The following JMJD1C variants were observed in gnomAD, a reference collection of about 807,000 sequenced individuals.
JMJD1C encodes jumonji domain-containing protein 1C.
Under a neutral mutation model 245.3 loss-of-function variants are expected in JMJD1C, and 31 were observed. That is an observed-to-expected ratio of 0.13 (90% CI 0.09 to 0.17). The LOEUF is 0.17. Among genes scored for constraint, JMJD1C ranks in the 10% least tolerant of loss-of-function variants. The pLI, the probability that JMJD1C is intolerant of heterozygous loss-of-function variation, is 1.00. For missense variants in JMJD1C, 2,691 were observed against 3,000.2 expected (o/e 0.90, Z 2.41); for synonymous variants, 1,057 against 1,017.4 (o/e 1.04, Z -0.74).
intron 1 of JMJD1C, among the ~76,000 whole-genome samples, chr10:63,407,945 A>G (rs1403241828): frequency 6.6e-6 from 1 of 152,152 alleles, no homozygotes; most frequent in African/African-American, 2.4e-5. Flanking sequence ...ATAGGAGACA[A>G]AGGGAAAAAC....
At chr10:63,474,326 A>G (rs1276393920) in intron 1 of JMJD1C, among the ~76,000 whole-genome samples, 1 of 152,246 alleles carries the variant, frequency 6.6e-6, no homozygotes, top group African/African-American at 2.4e-5. Flanking sequence ...GTGGGAGTGT[A>G]AGAGTGCTTA....
intron 1 of JMJD1C, chr10:63,427,461 C>A: frequency 1.7e-6 from 2 of 1,183,188 alleles, no homozygotes; most frequent in African/African-American, 1.5e-5. Context: ...CCCAGCAACT[C>A]CTGACCAAGA....
At chr10:63,459,253 G>C (rs1279751197) in intron 1 of JMJD1C, among the ~76,000 whole-genome samples, 1 of 152,122 alleles carries the variant, frequency 6.6e-6, no homozygotes, top group Non-Finnish European at 1.5e-5. Flanking sequence ...GCTTCCAAAT[G>C]AATCATTAAA....
intron 9 of JMJD1C, 27 bp downstream of exon 9, chr10:63,209,036 A>G (rs200891011): frequency 1.9e-6 from 3 of 1,555,244 alleles, no homozygotes; most frequent in Admixed American, 2.0e-5. Flanking sequence ...CAAGGTATTT[A>G]TAATTTTTAA....
intron 9 of JMJD1C, 38 bp from the exon 10 acceptor site, chr10:63,208,839 T>C: frequency 6.7e-7 from 1 of 1,491,542 alleles, no homozygotes; most frequent in South Asian, 1.3e-5. Flanking sequence ...GTAACCACTT[T>C]TTCCTGCAAA....
At chr10:63,285,984 A>G (rs1857943187) in intron 2 of JMJD1C, among the ~76,000 whole-genome samples, 1 of 152,156 alleles carries the variant, frequency 6.6e-6, no homozygotes, top group Non-Finnish European at 1.5e-5. Context: ...TCATTCAAGG[A>G]CCTGTTGTAA....
At position 63,198,671 on chromosome 10, in the gene JMJD1C, T is replaced by C; in HGVS notation, c.5333A>G (p.Gln1778Arg). The C allele has an allele frequency of 6.2e-7, 1 of 1,612,814 alleles. No individual in the cohort carries two copies. The highest frequency in any genetic ancestry group is 8.5e-7 in the Non-Finnish European group (1 of 1,179,342). ...CAAACTCATAGCTTCATCATCATAT[T>C]GGTCAGGAGAAGAGAAACCATCTAT... ...VRIDGFSSPD[Q>R]YDDEAMSLWT... Residue 1778 changes from glutamine (Q) to arginine (R), a missense_variant, in exon 12 of 26, where the codon CAA becomes CGA. Physicochemically the swap from Gln to Arg is conservative, Grantham distance 43. This residue lies in a region of JMJD1C where 139 missense variants were observed against 270.5 expected (regional missense o/e 0.51). Transcript: ENST00000399262.
intron 24 of JMJD1C, among the ~76,000 whole-genome samples, chr10:63,174,561 T>C (rs1408001473): frequency 6.6e-6 from 1 of 151,718 alleles, no homozygotes; most frequent in African/African-American, 2.4e-5. Flanking sequence ...ATGCCGAGCA[T>C]GGTGGCTCAT....
At chr10:63,361,837 A>C (rs528418976) in intron 2 of JMJD1C, among the ~76,000 whole-genome samples, 3 of 152,226 alleles carry the variant, frequency 2.0e-5, no homozygotes, top group Non-Finnish European at 2.9e-5. Context: ...ATTTAAATCT[A>C]CTTTTAAATG....
intron 2 of JMJD1C, among the ~76,000 whole-genome samples, chr10:63,334,006 T>C (rs564766043): frequency 1.1e-4 from 17 of 152,226 alleles, no homozygotes; most frequent in Admixed American, 6.5e-5. Flanking sequence ...GGTATACTGA[T>C]AAAAAGAAAG....
intron 1 of JMJD1C, among the ~76,000 whole-genome samples, chr10:63,472,082 T>G (rs921441085): frequency 6.6e-6 from 1 of 152,000 alleles, no homozygotes; most frequent in Non-Finnish European, 1.5e-5. Flanking sequence ...AAAACTAACT[T>G]GAAATGGAAG....
intron 3 of JMJD1C, among the ~76,000 whole-genome samples, chr10:63,248,411 C>T (rs563750777): frequency 6.6e-6 from 1 of 152,100 alleles, no homozygotes; most frequent in South Asian, 2.1e-4. Context: ...AACCCAGCTA[C>T]CCCGGAAGCC....
chr10:63,494,312 A>C (rs1270755593), intron 1 of JMJD1C, among the ~76,000 whole-genome samples: 1 of 143,216 alleles, frequency 7.0e-6, no homozygotes, highest in Non-Finnish European at 1.5e-5. Flanking sequence ...ACTCCGTCTC[A>C]AAAAAAAAAA....
At chr10:63,514,112 C>T (rs1313309212) in intron 1 of JMJD1C, among the ~76,000 whole-genome samples, 1 of 152,064 alleles carries the variant, frequency 6.6e-6, no homozygotes, top group East Asian at 1.9e-4. Context: ...GTGGCTATTA[C>T]TAAAAAGTCA....
chr10:63,378,519 G>A (rs989325803), intron 2 of JMJD1C, among the ~76,000 whole-genome samples: 1 of 152,102 alleles, frequency 6.6e-6, no homozygotes, highest in Non-Finnish European at 1.5e-5. Flanking sequence ...GTGAACCCGG[G>A]AGGCAGAGCT....
At chr10:63,190,872 C>T (rs1564575838) in intron 17 of JMJD1C, 22 bp downstream of exon 17, 2 of 1,607,728 alleles carry the variant, frequency 1.2e-6, no homozygotes, top group Admixed American at 1.7e-5. Flanking sequence ...CACATTAAAA[C>T]CAAAAATCTG....
intron 2 of JMJD1C, among the ~76,000 whole-genome samples, chr10:63,321,749 G>A (rs762923281): frequency 9.9e-5 from 15 of 152,170 alleles, no homozygotes; most frequent in Non-Finnish European, 2.1e-4. Flanking sequence ...TACTTTACAA[G>A]TGTACGCGAG....
At chr10:63,346,954 A>G (rs570193503) in intron 2 of JMJD1C, among the ~76,000 whole-genome samples, 5 of 152,204 alleles carry the variant, frequency 3.3e-5, no homozygotes, top group Non-Finnish European at 7.4e-5. Context: ...AGGTCCCCCT[A>G]CACCCCCGGC....
intron 1 of JMJD1C, among the ~76,000 whole-genome samples, chr10:63,457,802 A>T (rs1952509353): frequency 6.6e-6 from 1 of 152,192 alleles, no homozygotes; most frequent in South Asian, 2.1e-4. Context: ...AGAAATCTGC[A>T]TTCAAATTCC....
Sources: allele counts gnomAD v4.1 joint callset (sites outside exome capture counted in the v4.1 genomes callset), GRCh38; gene constraint gnomAD v4.1.1; regional missense constraint gnomAD v4.1.1; transcripts MANE v1.5; gene names NCBI Gene and HGNC (gene_info 2026-07-23, HGNC 2026-07-21).